The following SERPINE3 variants were observed in gnomAD, a reference collection of about 807,000 sequenced individuals.
The protein encoded by SERPINE3 is serpin E3.
A neutral mutation model predicts 41.7 loss-of-function variants in SERPINE3; 43 were observed. The ratio of observed to expected loss-of-function variants is 1.03; its 90% CI spans 0.81 to 1.33. The LOEUF is 1.33. SERPINE3 is among the 40% of genes most tolerant of loss of function. The pLI, the probability that SERPINE3 is intolerant of heterozygous loss-of-function variation, is 0.00. For synonymous variants in SERPINE3, 200 were observed against 192.2 expected (o/e 1.04, Z -0.34); for missense variants, 440 against 491.7 (o/e 0.89, Z 0.99).
chr13:51,340,347 G>A (rs1955277533), intron 1 of SERPINE3, among the ~76,000 whole-genome samples: 1 of 152,188 alleles, frequency 6.6e-6, no homozygotes, highest in Non-Finnish European at 1.5e-5. Context: ...GTACATTTCT[G>A]GGGTAGGAAC....
At chr13:51,359,423 A>G (rs1205640613) in intron 7 of SERPINE3, among the ~76,000 whole-genome samples, 1 of 152,166 alleles carries the variant, frequency 6.6e-6, no homozygotes, top group Non-Finnish European at 1.5e-5. Context: ...GGCATGACAT[A>G]GGCTATGGAC....
chr13:51,362,740 T>C (rs1385030050), intron 9 of SERPINE3: 4 of 152,490 alleles, frequency 2.6e-5, no homozygotes, highest in African/African-American at 9.7e-5. Context: ...TGCATAGTTT[T>C]ACATAAATTG....
At chr13:51,363,080 G>C (rs768653185) in intron 9 of SERPINE3, 1 of 151,848 alleles carries the variant, frequency 6.6e-6, no homozygotes, top group Non-Finnish European at 1.5e-5. Flanking sequence ...AGGAAACAAA[G>C]AGACAGGACT....
rs369293396 is a variant in SERPINE3 at position 51,347,084 on chromosome 13, G to C, written c.550G>C (p.Ala184Pro). 42 of 1,606,550 alleles carry C rather than the reference G, an allele frequency of 2.6e-5. No individual in the cohort carries two copies. The highest frequency in any genetic ancestry group is 3.6e-5 in the Non-Finnish European group (42 of 1,176,596). ...WPWEQVSAAF[A>P]QLVLVSTMSF... is the part of the protein sequence containing the mutation. ...GTGGGAGCAAGTCAGTGCAGCATTTGCTCAGCTTGTGCTTGTGAGCACCAT... is the reference window on the plus strand; with the variant it reads ...GTGGGAGCAAGTCAGTGCAGCATTTCCTCAGCTTGTGCTTGTGAGCACCAT... The change falls in exon 5 of 10, where the codon GCT (alanine) becomes CCT (proline). Residue 184 changes from alanine (A) to proline (P), a missense_variant. Ala to Pro is a conservative substitution (Grantham distance 27). Coordinates refer to ENST00000681248, the MANE Select transcript of SERPINE3 (RefSeq NM_001386375.1).
At chr13:51,356,996 T>C (rs1227067876) in intron 7 of SERPINE3, among the ~76,000 whole-genome samples, 1 of 152,162 alleles carries the variant, frequency 6.6e-6, no homozygotes, top group Non-Finnish European at 1.5e-5. Flanking sequence ...CAGCAAACAA[T>C]GGCCTACCAC....
At chr13:51,345,340 G>A (rs1158814696) in intron 4 of SERPINE3, among the ~76,000 whole-genome samples, 1 of 152,132 alleles carries the variant, frequency 6.6e-6, no homozygotes, top group Non-Finnish European at 1.5e-5. Context: ...TGGTTAAAAA[G>A]CAAAATAGGA....
chr13:51,348,111 T>C, intron 5 of SERPINE3, 102 bp from the exon 6 acceptor site: 1 of 864,858 alleles, frequency 1.2e-6, no homozygotes, highest in Non-Finnish European at 1.8e-6. Flanking sequence ...TGCTCGGTTT[T>C]ATTGTTTCCA....
At chr13:51,354,964 AT>A in intron 6 of SERPINE3, 78 bp from the exon 7 acceptor site, 1 of 701,850 alleles carries the variant, frequency 1.4e-6, no homozygotes, top group Non-Finnish European at 2.5e-6. Context: ...CAAGTTAGGG[AT>A]TTTGGACTTC....
In SERPINE3 at chr13:51,357,690, A is replaced by G. The variant is rs183075623; in HGVS notation, c.1000+2547A>G. Among the ~76,000 whole-genome samples, 5 of 152,050 alleles carry G rather than the reference A, an allele frequency of 3.3e-5. No individual in the cohort carries two copies. The East Asian group carries it at 9.7e-4, about 29-fold the overall frequency. On this transcript the variant is annotated intron_variant, in intron 7 of 9. Transcript: ENST00000681248. ...GTTCCCCCCCAGTCTCCTTGATACT[A>G]GATGTTATGCAGCTTTTAAGAGTAA...
intron 6 of SERPINE3, among the ~76,000 whole-genome samples, chr13:51,349,677 C>T (rs1277194543): frequency 6.6e-6 from 1 of 152,214 alleles, no homozygotes; most frequent in Non-Finnish European, 1.5e-5. Context: ...ACTGAGAACT[C>T]TCCACCGTCC....
At chr13:51,356,555 T>C (rs1955485543) in intron 7 of SERPINE3, among the ~76,000 whole-genome samples, 1 of 152,132 alleles carries the variant, frequency 6.6e-6, no homozygotes, top group Non-Finnish European at 1.5e-5. Flanking sequence ...CTGTATTCCG[T>C]GAATCACTAG....
At position 51,344,394 on chromosome 13, in the gene SERPINE3, G is replaced by A. The variant is rs1183565324; in HGVS notation, c.399G>A (p.Trp133Ter). Residue 133 changes from tryptophan (W) to a stop codon, truncating the protein, a stop_gained, in exon 4 of 10, where the codon TGG becomes TGA. Coordinates refer to ENST00000681248, the MANE Select transcript of SERPINE3 (RefSeq NM_001386375.1). LOFTEE classifies it high-confidence loss of function. ...LSPCFVEHVS[W>*]WANSSLEPAD... The stretch of plus-strand genomic sequence containing the variant: ...CCTGCTTTGTGGAGCACGTCTCCTG[G>A]TGGGCTAACAGCAGCCTGGAACCAG... 1 of 1,612,326 alleles carries A rather than the reference G, an allele frequency of 6.2e-7. No individual in the cohort carries two copies. The highest frequency in any genetic ancestry group is 1.3e-5 in the African/African-American group (1 of 74,874).
intron 8 of SERPINE3, 108 bp downstream of exon 8, chr13:51,361,472 G>A: frequency 1.3e-6 from 1 of 745,444 alleles, no homozygotes; most frequent in Non-Finnish European, 2.2e-6. Flanking sequence ...CCCAAGTTCA[G>A]GTGTGGTGTA....
At chr13:51,349,145 A>C (rs1955381600) in intron 6 of SERPINE3, among the ~76,000 whole-genome samples, 1 of 152,132 alleles carries the variant, frequency 6.6e-6, no homozygotes, top group Non-Finnish European at 1.5e-5. Context: ...CCATTTTTTG[A>C]CCAGCATTAA....
Position 51,355,125 on chromosome 13 carries a change from A to G in SERPINE3, c.982A>G (p.Asn328Asp). Reference protein sequence around the residue: ...VTDLFDPLKANLKGISGQDGF... With the variant: ...VTDLFDPLKADLKGISGQDGF... ...CGATCTTTTTGATCCACTCAAAGCT[A>G]ACTTGAAAGGAATTTCAGGTAAAAA... Residue 328 changes from asparagine (N) to aspartate (D), a missense_variant, in exon 7 of 10, where the codon AAC (asparagine) becomes GAC (aspartate). Transcript: ENST00000681248. 1 of 1,533,258 alleles carries G rather than the reference A, an allele frequency of 6.5e-7. No individual in the cohort carries two copies. Among genetic ancestry groups the G allele is most frequent in the Non-Finnish European group, 8.9e-7 (1 of 1,129,156 alleles). The allele number at this position is 1,533,258 out of a possible 1,614,324, so 95.0% of individuals were successfully genotyped here. A position where few individuals can be genotyped will look rare whatever the true frequency, so the allele number is the denominator to read the frequency against.
At position 51,364,388 on chromosome 13, in the gene SERPINE3, A is replaced by C. The variant is rs565529718; in HGVS notation, c.*106A>C. The stretch of plus-strand genomic sequence containing the variant: ...ATGTCTGATAAAGTGTAAAAAGCTA[A>C]GGGTATGTGATTTTCAATATTATAA... On this transcript the variant is annotated 3_prime_UTR_variant, in exon 10 of 10. Coordinates refer to ENST00000681248, the MANE Select transcript of SERPINE3 (RefSeq NM_001386375.1). 2 of 601,270 alleles carry C rather than the reference A, an allele frequency of 3.3e-6. No individual in the cohort carries two copies. Among genetic ancestry groups the C allele is most frequent in the East Asian group, 6.1e-5 (2 of 32,712 alleles). The allele number at this position is 601,270 out of a possible 1,614,324, so 37.2% of individuals were successfully genotyped here.
At chr13:51,342,097 C>G (rs1450001125) in intron 3 of SERPINE3, among the ~76,000 whole-genome samples, 1 of 149,520 alleles carries the variant, frequency 6.7e-6, no homozygotes, top group Non-Finnish European at 1.5e-5. Flanking sequence ...ACCAATCTAC[C>G]AACTCCAGCT....
chr13:51,355,775 C>T (rs1415167064), intron 7 of SERPINE3, among the ~76,000 whole-genome samples: 1 of 152,056 alleles, frequency 6.6e-6, no homozygotes, highest in Non-Finnish European at 1.5e-5. Flanking sequence ...GGAGTGAATG[C>T]CAGAACCTAT....
intron 6 of SERPINE3, chr13:51,354,135 G>T (rs1202998467): frequency 6.6e-6 from 1 of 151,972 alleles, no homozygotes; most frequent in African/African-American, 2.4e-5. Context: ...TCTATTAATT[G>T]TCAATAAGGC....
Sources: allele counts gnomAD v4.1 joint callset (sites outside exome capture counted in the v4.1 genomes callset), GRCh38; gene constraint gnomAD v4.1.1; transcripts MANE v1.5; gene names NCBI Gene and HGNC (gene_info 2026-07-23, HGNC 2026-07-21).